Variants in NBEAL1 observed in about 807,000 individuals in gnomAD.
NBEAL1 encodes the protein neurobeachin like 1.
NBEAL1 carries 273 observed loss-of-function variants against 351.3 expected under a neutral mutation model. That is an observed-to-expected ratio of 0.78 (90% CI 0.70 to 0.86). The LOEUF (loss-of-function observed/expected upper bound fraction) is 0.86. Ranked by LOEUF, NBEAL1 falls within the 40% of genes least tolerant of loss-of-function variation. The pLI is 0.00. For missense variants in NBEAL1, 2,961 were observed against 3,201.3 expected (o/e 0.92, Z 1.81); for synonymous variants, 1,050 against 1,086.4 (o/e 0.97, Z 0.66).
rs191344718 is a variant in NBEAL1 at position 203,055,665 on chromosome 2, C to T, written c.306-762C>T. ...TTAATTTTTCTAAAATTAGCATTTA[C>T]TGGATTTTAAGATATATGTTTTACA... On this transcript the variant is annotated intron_variant, in intron 4 of 55. Transcript: ENST00000683969. 7.8e-4 allele frequency among the ~76,000 whole-genome samples: 118 copies of T among 151,848 alleles called. 1 individual carries two copies. The highest frequency in any genetic ancestry group is 2.7e-3 in the African/African-American group (114 of 41,464).
intron 10 of NBEAL1, among the ~76,000 whole-genome samples, chr2:203,094,073 T>G (rs1186688979): frequency 1.3e-5 from 2 of 152,172 alleles, no homozygotes; most frequent in Non-Finnish European, 2.9e-5. Context: ...CCTAAGGCAT[T>G]AAATGATTAG....
intron 2 of NBEAL1, among the ~76,000 whole-genome samples, chr2:203,039,915 A>C (rs1292823203): frequency 1.3e-5 from 2 of 152,246 alleles, no homozygotes; most frequent in African/African-American, 4.8e-5. Flanking sequence ...AGTGACAAAA[A>C]ATAAACTGAT....
chr2:203,078,918 C>T (rs1349348177), intron 8 of NBEAL1, among the ~76,000 whole-genome samples: 1 of 152,028 alleles, frequency 6.6e-6, no homozygotes, highest in African/African-American at 2.4e-5. Flanking sequence ...CTTTATAATA[C>T]ATTAAACTAA....
chr2:203,189,874 G>A (rs62182252), intron 45 of NBEAL1, among the ~76,000 whole-genome samples: 89,130 of 151,022 alleles, frequency 0.59, 27,424 homozygotes, highest in Middle Eastern at 0.77. Context: ...GGTGGCTCAC[G>A]CCTGTAATCC....
At chr2:203,054,990 A>T (rs530340023) in intron 4 of NBEAL1, among the ~76,000 whole-genome samples, 11 of 152,256 alleles carry the variant, frequency 7.2e-5, no homozygotes, top group Non-Finnish European at 1.5e-5. Flanking sequence ...GCAGCTTCTC[A>T]TTGTTTCATC....
intron 33 of NBEAL1, among the ~76,000 whole-genome samples, chr2:203,146,716 A>G (rs2063522923): frequency 6.6e-6 from 1 of 152,082 alleles, no homozygotes; most frequent in Non-Finnish European, 1.5e-5. Context: ...ACACTCGAGT[A>G]TAGGAGGTCA....
At chr2:203,077,349 G>A (rs1440956742) in intron 7 of NBEAL1, among the ~76,000 whole-genome samples, 2 of 151,856 alleles carry the variant, frequency 1.3e-5, no homozygotes, top group Admixed American at 6.6e-5. Flanking sequence ...CAGCCTGGGC[G>A]ATATAGCGAG....
chr2:203,053,488 G>GT (rs927872956), intron 4 of NBEAL1, among the ~76,000 whole-genome samples: 9 of 151,766 alleles, frequency 5.9e-5, no homozygotes, highest in South Asian at 4.2e-4. Flanking sequence ...AGGTATCTGG[G>GT]TTTTTTTTGT....
chr2:203,199,458 G>T lies in NBEAL1; in HGVS notation c.7238+11G>T. On this transcript the variant is annotated intron_variant, in intron 49 of 55. Coordinates refer to ENST00000683969, the MANE Select transcript of NBEAL1 (RefSeq NM_001378026.1). ...TGTGACAAATCCAAAGTAAGTAAAT[G>T]AATATGTAAAGCAAAATAGCTATAC... 7.0e-7 allele frequency: 1 copy of T among 1,432,104 alleles called. No homozygotes were observed. The highest frequency in any genetic ancestry group is 1.2e-5 in the South Asian group (1 of 85,094). The allele number at this position is 1,432,104 out of a possible 1,614,324, so 88.7% of individuals were successfully genotyped here. A position where few individuals can be genotyped will look rare whatever the true frequency, so the allele number is the denominator to read the frequency against.
At chr2:203,119,219 G>A (rs918812833) in intron 18 of NBEAL1, among the ~76,000 whole-genome samples, 9 of 150,280 alleles carry the variant, frequency 6.0e-5, no homozygotes, top group African/African-American at 1.7e-4. Context: ...CTAGGTGGCC[G>A]TGCAGTGGTG....
In NBEAL1 at chr2:203,131,959, C is replaced by T; in HGVS notation, c.3565-14C>T. 2 of 1,507,728 alleles carry T rather than the reference C, an allele frequency of 1.3e-6. No individual in the cohort carries two copies. The highest frequency in any genetic ancestry group is 1.8e-6 in the Non-Finnish European group (2 of 1,125,940). 93.4% of individuals were successfully genotyped at this position (1,507,728 alleles called of 1,614,324 possible). ...AATTTTCTATATTGAGAATATATTACTTGTCGTGACCAGATTATGGAACAA... is the reference window on the plus strand; with the variant it reads ...AATTTTCTATATTGAGAATATATTATTTGTCGTGACCAGATTATGGAACAA... On this transcript the variant is annotated splice_polypyrimidine_tract_variant and intron_variant, in intron 25 of 55. Coordinates refer to ENST00000683969, the MANE Select transcript of NBEAL1 (RefSeq NM_001378026.1).
intron 2 of NBEAL1, among the ~76,000 whole-genome samples, chr2:203,027,872 TG>T (rs2060884878): frequency 6.6e-6 from 1 of 151,932 alleles, no homozygotes; most frequent in Non-Finnish European, 1.5e-5. Flanking sequence ...CCACCACACC[TG>T]GCTATTTTCT....
intron 14 of NBEAL1, 99 bp from the exon 15 acceptor site, chr2:203,110,051 G>A: frequency 8.5e-7 from 1 of 1,175,896 alleles, no homozygotes; most frequent in Non-Finnish European, 1.2e-6. Context: ...AGAATTGTGG[G>A]TAAAGATGTT....
intron 10 of NBEAL1, among the ~76,000 whole-genome samples, chr2:203,088,641 A>G (rs2062010926): frequency 6.6e-6 from 1 of 152,172 alleles, no homozygotes; most frequent in Non-Finnish European, 1.5e-5. Flanking sequence ...TACCCACATA[A>G]AAGTTCCAGA....
At chr2:203,160,003 C>T (rs1311741750) in intron 36 of NBEAL1, among the ~76,000 whole-genome samples, 2 of 150,548 alleles carry the variant, frequency 1.3e-5, no homozygotes, top group South Asian at 4.2e-4. Context: ...TGTTGAGCAT[C>T]TTTCCATGTG....
chr2:203,185,665 A>T (rs2064876285), intron 44 of NBEAL1, among the ~76,000 whole-genome samples: 1 of 152,108 alleles, frequency 6.6e-6, no homozygotes, highest in Admixed American at 6.6e-5. Context: ...CTGGGATTGG[A>T]GTCATCTGAA....
At chr2:203,191,679 C>T (rs147913963) in intron 46 of NBEAL1, among the ~76,000 whole-genome samples, 40 of 152,278 alleles carry the variant, frequency 2.6e-4, no homozygotes, top group African/African-American at 8.9e-4. Context: ...GAAGGTAATA[C>T]CTAGCCTATA....
At chr2:203,066,104 T>TCTAC (rs1368520345) in intron 6 of NBEAL1, among the ~76,000 whole-genome samples, 2 of 152,238 alleles carry the variant, frequency 1.3e-5, no homozygotes, top group African/African-American at 4.8e-5. Flanking sequence ...ATTATGTTCA[T>TCTAC]ATGTTACATC....
intron 2 of NBEAL1, among the ~76,000 whole-genome samples, chr2:203,024,031 A>C (rs2060812104): frequency 6.6e-6 from 1 of 151,616 alleles, no homozygotes; most frequent in African/African-American, 2.4e-5. Flanking sequence ...GGGTTGCCTC[A>C]GAAAGTACAG....
Sources: gnomAD v4.1 joint callset for allele counts (sites outside exome capture counted in the v4.1 genomes callset) on GRCh38, gnomAD v4.1.1 for gene constraint, MANE v1.5 for transcripts, NCBI Gene and HGNC (gene_info 2026-07-23, HGNC 2026-07-21) for gene names.